Variants in DAB2IP observed in about 807,000 individuals in gnomAD.
DAB2IP encodes the protein disabled homolog 2-interacting protein.
Under a neutral mutation model 107.2 loss-of-function variants are expected in DAB2IP, and 28 were observed. The ratio of observed to expected loss-of-function variants is 0.26; its 90% confidence interval spans 0.19 to 0.36. The LOEUF (loss-of-function observed/expected upper bound fraction) is 0.36. Ranked by LOEUF, DAB2IP falls within the 10% of genes least tolerant of loss-of-function variation. The pLI is 1.00. For synonymous variants in DAB2IP, 755 were observed against 706.4 expected (o/e 1.07, Z -1.09); for missense variants, 1,400 against 1,644.7 (o/e 0.85, Z 2.57).
At chr9:121,765,140 G>A (rs1456391124) in intron 8 of DAB2IP, among the ~76,000 whole-genome samples, 1 of 152,226 alleles carries the variant, frequency 6.6e-6, no homozygotes, top group Non-Finnish European at 1.5e-5. Flanking sequence ...GTGGAGGAGA[G>A]CGACTGTAGG....
intron 1 of DAB2IP, among the ~76,000 whole-genome samples, chr9:121,678,275 G>T (rs374463312): frequency 5.9e-5 from 9 of 152,300 alleles, no homozygotes; most frequent in African/African-American, 1.9e-4. Flanking sequence ...GTTACTCAGC[G>T]TAATGTTTTC....
intron 14 of DAB2IP, among the ~76,000 whole-genome samples, chr9:121,778,832 C>G (rs1283624117): frequency 6.6e-6 from 1 of 151,980 alleles, no homozygotes; most frequent in Non-Finnish European, 1.5e-5. Context: ...GTCTTTGTTC[C>G]TCTGTACTTT....
rs534565879 is a variant in DAB2IP at position 121,781,136 on chromosome 9, G to T, written c.3315-328G>T. On this transcript the variant is annotated intron_variant, in intron 14 of 15. Coordinates refer to ENST00000408936, the Ensembl canonical transcript of DAB2IP. ...CCTTCGTCTTTCCACCACCTGCCTA[G>T]CTCTAGGGGTTTGAAGATCTAATGC... is the stretch of plus-strand genomic sequence containing the variant. Among the ~76,000 whole-genome samples the T allele has an allele frequency of 3.9e-5, 6 of 152,294 alleles. 1 individual carries two copies. Among genetic ancestry groups the T allele is most frequent in the African/African-American group, 1.4e-4 (6 of 41,560 alleles).
intron 1 of DAB2IP, among the ~76,000 whole-genome samples, chr9:121,582,042 G>T (rs1303397312): frequency 6.6e-6 from 1 of 152,212 alleles, no homozygotes; most frequent in Non-Finnish European, 1.5e-5. Flanking sequence ...CCACGGTTGG[G>T]GGCCGTGGGG....
rs1564128794 is a variant in DAB2IP, at chr9:121,642,020, TCTCTCTCTC to T, written c.41-36657_41-36649del. 1.3e-3 allele frequency among the ~76,000 whole-genome samples: 42 copies of T among 32,748 alleles called. 1 individual carries two copies. The highest frequency in any genetic ancestry group is 5.8e-3 in the African/African-American group (42 of 7,272). The allele number at this position is 32,748 out of a possible 152,430, so 21.5% of individuals were successfully genotyped here. On this transcript the variant is annotated intron_variant, in intron 1 of 16. Coordinates refer to the DAB2IP transcript ENST00000259371. ...TTCTCTCTCTCTCTCTCTCTCTCTCTCTCTCTCTCTCTTTCTTTCTTTCTTTCTTTCTTT... is the reference window on the plus strand; with the variant it reads ...TTCTCTCTCTCTCTCTCTCTCTCTCTTCTTTCTTTCTTTCTTTCTTTCTTT...
At chr9:121,641,995 T>TCTC (rs1832337279) in intron 1 of DAB2IP, among the ~76,000 whole-genome samples, 14 of 34,980 alleles carry the variant, frequency 4.0e-4, no homozygotes, top group South Asian at 1.2e-3. Flanking sequence ...TTTCTTTCCT[T>TCTC]TCTCTCTCTC....
At chr9:121,696,041 G>A (rs1168006358) in intron 2 of DAB2IP, among the ~76,000 whole-genome samples, 4 of 151,966 alleles carry the variant, frequency 2.6e-5, no homozygotes, top group African/African-American at 9.7e-5. Context: ...GCTAATTTTT[G>A]TATTTTTAGT....
chr9:121,737,077 C>G (rs1335408170), intron 3 of DAB2IP: 1 of 657,482 alleles, frequency 1.5e-6, no homozygotes, highest in African/African-American at 1.9e-5. Flanking sequence ...TACAAAGGCC[C>G]AGAGGCGGGG....
At position 121,776,132 on chromosome 9, in the gene DAB2IP, C is replaced by T. The variant is rs1018080062; in HGVS notation, c.3121-66C>T. The T allele has an allele frequency of 4.1e-5, 63 of 1,530,302 alleles. No homozygotes were observed. The highest frequency in any genetic ancestry group is 2.9e-4 in the African/African-American group (21 of 72,416). 94.8% of individuals were successfully genotyped at this position (1,530,302 alleles called of 1,614,324 possible). On this transcript the variant is annotated intron_variant, in intron 13 of 15. Coordinates refer to ENST00000408936, the Ensembl canonical transcript of DAB2IP. The surrounding 1 kb of genome is among the most constrained non-coding windows in gnomAD (Gnocchi z 5.4). ...GCTCCCTCCTACCCTTCCTCCCACT[C>T]GGGCTGACGAAGCTGTGCTCTCTGT...
At chr9:121,769,393 C>A (rs1439994616) in intron 10 of DAB2IP, among the ~76,000 whole-genome samples, 1 of 152,156 alleles carries the variant, frequency 6.6e-6, no homozygotes, top group African/African-American at 2.4e-5. Context: ...ACATAGAGCT[C>A]TTTTCCTTCT....
chr9:121,762,785 G>T (rs577259619), intron 6 of DAB2IP, among the ~76,000 whole-genome samples: 1 of 152,268 alleles, frequency 6.6e-6, no homozygotes, highest in East Asian at 1.9e-4. Context: ...TCTGAGGGAG[G>T]GTGTTAGTAT....
At chr9:121,757,565 G>C (rs1038409877) in intron 4 of DAB2IP, among the ~76,000 whole-genome samples, 1 of 152,120 alleles carries the variant, frequency 6.6e-6, no homozygotes, top group African/African-American at 2.4e-5. Context: ...TTCCCACTGT[G>C]AACAATGAGA....
intron 1 of DAB2IP, among the ~76,000 whole-genome samples, chr9:121,652,927 C>G (rs2119063896): frequency 6.6e-6 from 1 of 152,230 alleles, no homozygotes; most frequent in African/African-American, 2.4e-5. Flanking sequence ...AGACTTTTCC[C>G]ACAGTCAGGT....
At chr9:121,754,635 T>A (rs1021196258) in intron 3 of DAB2IP, among the ~76,000 whole-genome samples, 1 of 152,098 alleles carries the variant, frequency 6.6e-6, no homozygotes, top group Non-Finnish European at 1.5e-5. Flanking sequence ...CCAGGATCCT[T>A]TCCAGGTCAG....
chr9:121,763,356 G>T (rs1323837191), intron 6 of DAB2IP, 149 bp from the exon 7 acceptor site: 10 of 1,169,066 alleles, frequency 8.6e-6, no homozygotes. Flanking sequence ...GCCCCCAAAG[G>T]TGGGCACACT....
At chr9:121,614,552 G>A (rs1236455579) in intron 1 of DAB2IP, among the ~76,000 whole-genome samples, 1 of 151,524 alleles carries the variant, frequency 6.6e-6, no homozygotes, top group African/African-American at 2.4e-5. Context: ...TGTTGGCCAT[G>A]CTGGTCTCAA....
chr9:121,656,766 T>C (rs1320517635), intron 1 of DAB2IP, among the ~76,000 whole-genome samples: 2 of 152,254 alleles, frequency 1.3e-5, no homozygotes, highest in Non-Finnish European at 1.5e-5. Context: ...GTGAGATGGA[T>C]ACTGATACTA....
intron 10 of DAB2IP, 91 bp from the exon 11 acceptor site, chr9:121,770,455 G>C (rs529391303): frequency 1.1e-5 from 15 of 1,424,458 alleles, no homozygotes; most frequent in South Asian, 1.4e-5. Context: ...GACAGGCTCC[G>C]CAGTGGTTTT....
intron 13 of DAB2IP, among the ~76,000 whole-genome samples, chr9:121,775,806 T>G (rs1835160842): frequency 6.6e-6 from 1 of 152,208 alleles, no homozygotes; most frequent in Non-Finnish European, 1.5e-5. Flanking sequence ...GGGCCTCAGT[T>G]TCCCCTCCTG....
Sources: allele counts gnomAD v4.1 joint callset (sites outside exome capture counted in the v4.1 genomes callset), GRCh38; gene constraint gnomAD v4.1.1; non-coding constraint Gnocchi (gnomAD v3.1); transcripts MANE v1.5; gene names NCBI Gene and HGNC (gene_info 2026-07-23, HGNC 2026-07-21).